The following CHCHD6 variants were observed in gnomAD, a reference collection of about 807,000 sequenced individuals.
CHCHD6 encodes the protein coiled-coil-helix-coiled-coil-helix domain containing 6.
CHCHD6 carries 28 observed loss-of-function variants against 32.3 expected under a neutral mutation model. The observed-to-expected ratio is 0.87, with a 90% CI of 0.64 to 1.19. The LOEUF is 1.19. CHCHD6 is among the 50% of genes most tolerant of loss of function. The pLI is 0.00. For missense variants in CHCHD6, 333 were observed against 307.0 expected, an observed-to-expected ratio of 1.08 and a Z score of -0.63; for synonymous variants, 122 against 117.5, an observed-to-expected ratio of 1.04 and a Z score of -0.25.
chr3:126,724,979 A>T (rs1038052468), intron 1 of CHCHD6, among the ~76,000 whole-genome samples: 50 of 152,148 alleles, frequency 3.3e-4, no homozygotes, highest in African/African-American at 1.2e-3. Context: ...TCTCCATTGA[A>T]GTCTTGAACC....
intron 5 of CHCHD6, among the ~76,000 whole-genome samples, chr3:126,858,866 A>C (rs1559884733): frequency 6.6e-6 from 1 of 152,260 alleles, no homozygotes; most frequent in African/African-American, 2.4e-5. Context: ...TCATGGGCAC[A>C]GAATGAGGGC....
intron 5 of CHCHD6, among the ~76,000 whole-genome samples, chr3:126,871,228 A>G (rs1052057064): frequency 1.3e-5 from 2 of 152,088 alleles, no homozygotes; most frequent in African/African-American, 4.8e-5. Context: ...GTATGGGCCT[A>G]TCCCTTCTTG....
intron 4 of CHCHD6, among the ~76,000 whole-genome samples, chr3:126,799,931 T>G (rs766340735): frequency 6.6e-6 from 1 of 152,234 alleles, no homozygotes; most frequent in African/African-American, 2.4e-5. Flanking sequence ...TTCATGTCTG[T>G]AAATACAGGT....
At chr3:126,792,432 G>A (rs1016654707) in intron 4 of CHCHD6, among the ~76,000 whole-genome samples, 5 of 151,982 alleles carry the variant, frequency 3.3e-5, no homozygotes, top group Non-Finnish European at 7.4e-5. Flanking sequence ...GCAGCCCACA[G>A]ACTTTTGATG....
intron 4 of CHCHD6, among the ~76,000 whole-genome samples, chr3:126,785,911 T>C (rs1327622732): frequency 1.3e-5 from 2 of 152,172 alleles, no homozygotes; most frequent in African/African-American, 4.8e-5. Flanking sequence ...ATGTGCCATG[T>C]TGGTGTGCTG....
At position 126,849,803 on chromosome 3, in the gene CHCHD6, T is replaced by C. The variant is rs144106187; in HGVS notation, c.412-2844T>C. On this transcript the variant is annotated intron_variant, in intron 4 of 7. Transcript: ENST00000290913. Reference sequence around the variant, plus strand: ...GAAATTCTCTCTCTGGCTTCCCTGTTGTGCCCTCAGCCCTTTTACAATTCT... The same window carrying C: ...GAAATTCTCTCTCTGGCTTCCCTGTCGTGCCCTCAGCCCTTTTACAATTCT... 3.1e-3 allele frequency among the ~76,000 whole-genome samples: 477 copies of C among 152,356 alleles called. 3 individuals carry two copies. The highest frequency in any genetic ancestry group is 0.011 in the African/African-American group (458 of 41,580).
chr3:126,802,335 A>G (rs947221516), intron 4 of CHCHD6, among the ~76,000 whole-genome samples: 8 of 152,232 alleles, frequency 5.3e-5, no homozygotes, highest in Admixed American at 3.3e-4. Context: ...AGACGAATGT[A>G]TAACTAGAAT....
At chr3:126,850,082 A>G (rs1559879937) in intron 4 of CHCHD6, among the ~76,000 whole-genome samples, 3 of 152,006 alleles carry the variant, frequency 2.0e-5, no homozygotes, top group Non-Finnish European at 2.9e-5. Flanking sequence ...TTCTACAGCC[A>G]TTTTTCGTGT....
At chr3:126,787,443 C>G (rs958183996) in intron 4 of CHCHD6, among the ~76,000 whole-genome samples, 1 of 152,120 alleles carries the variant, frequency 6.6e-6, no homozygotes, top group African/African-American at 2.4e-5. Context: ...GATATTGATT[C>G]TTCCTATCCA....
chr3:126,922,450 C>A (rs2078264548), intron 6 of CHCHD6, among the ~76,000 whole-genome samples: 1 of 152,188 alleles, frequency 6.6e-6, no homozygotes, highest in Non-Finnish European at 1.5e-5. Context: ...CAGGGAGAGG[C>A]AGGTGGGATT....
chr3:126,936,793 A>G (rs967779551), intron 6 of CHCHD6, among the ~76,000 whole-genome samples: 75 of 152,254 alleles, frequency 4.9e-4, no homozygotes, highest in African/African-American at 1.6e-3. Flanking sequence ...GACCTCAAAC[A>G]ATCTGCCCAC....
At chr3:126,948,692 TC>T (rs2078674254) in intron 6 of CHCHD6, among the ~76,000 whole-genome samples, 1 of 152,220 alleles carries the variant, frequency 6.6e-6, no homozygotes, top group Non-Finnish European at 1.5e-5. Context: ...CAGGTTGTCT[TC>T]TTCTGACAAC....
At chr3:126,938,449 G>C (rs997544809) in intron 6 of CHCHD6, among the ~76,000 whole-genome samples, 2 of 152,216 alleles carry the variant, frequency 1.3e-5, no homozygotes, top group Admixed American at 1.3e-4. Context: ...GACGCAGTAA[G>C]CAGAGTGCCT....
At chr3:126,870,261 C>T (rs975741155) in intron 5 of CHCHD6, among the ~76,000 whole-genome samples, 3 of 152,188 alleles carry the variant, frequency 2.0e-5, no homozygotes, top group Non-Finnish European at 4.4e-5. Flanking sequence ...GTCACTCATA[C>T]CTGTTCTTTA....
chr3:126,731,950 A>G (rs1242723836), intron 3 of CHCHD6, among the ~76,000 whole-genome samples: 3 of 151,980 alleles, frequency 2.0e-5, no homozygotes, highest in Non-Finnish European at 2.9e-5. Flanking sequence ...GTAGTAACAC[A>G]TGCCTGTAGT....
At chr3:126,737,397 TA>T (rs1559814254) in intron 4 of CHCHD6, among the ~76,000 whole-genome samples, 1 of 140,474 alleles carries the variant, frequency 7.1e-6, no homozygotes, top group African/African-American at 2.8e-5. Context: ...TGAGTATATA[TA>T]TATATATATA....
intron 1 of CHCHD6, among the ~76,000 whole-genome samples, chr3:126,710,372 A>G (rs1045483399): frequency 4.6e-5 from 7 of 152,152 alleles, no homozygotes; most frequent in African/African-American, 1.7e-4. Context: ...TGGGACGTGT[A>G]AGGCCTCTAA....
intron 1 of CHCHD6, among the ~76,000 whole-genome samples, chr3:126,721,990 A>G (rs1576337537): frequency 6.6e-6 from 1 of 152,202 alleles, no homozygotes; most frequent in Non-Finnish European, 1.5e-5. Context: ...TTATCCATTC[A>G]TTGGTTGATG....
chr3:126,720,195 A>C (rs141154266), intron 1 of CHCHD6, among the ~76,000 whole-genome samples: 13 of 152,136 alleles, frequency 8.5e-5, no homozygotes, highest in Non-Finnish European at 1.6e-4. Context: ...AGTCTTTTGC[A>C]TGACAGGGCC....
Sources: gnomAD v4.1 joint callset for allele counts (sites outside exome capture counted in the v4.1 genomes callset) on GRCh38, gnomAD v4.1.1 for gene constraint, MANE v1.5 for transcripts, NCBI Gene and HGNC (gene_info 2026-07-23, HGNC 2026-07-21) for gene names.